The following CTCF variants were observed in gnomAD, a reference collection of about 807,000 sequenced individuals.
The protein encoded by CTCF is CCCTC-binding factor, also known as transcriptional repressor CTCF.
In CTCF, 7 loss-of-function variants were observed where a neutral mutation model predicts 72.3. That is an observed-to-expected ratio of 0.10 (90% CI 0.06 to 0.18). CTCF has a LOEUF of 0.18. CTCF is among the 10% of genes least tolerant of loss of function. The pLI, the probability that CTCF is intolerant of heterozygous loss-of-function variation, is 1.00. For synonymous variants in CTCF, 374 were observed against 315.8 expected, an observed-to-expected ratio of 1.18 and a Z score of -1.95; for missense variants, 516 against 949.1, an observed-to-expected ratio of 0.54 and a Z score of 6.00.
At chr16:67,622,487 T>C (rs1437006071) in intron 7 of CTCF, among the ~76,000 whole-genome samples, 1 of 152,070 alleles carries the variant, frequency 6.6e-6, no homozygotes, top group African/African-American at 2.4e-5. Context: ...GTACCGTAAA[T>C]ACATAAATTC....
chr16:67,569,800 C>T (rs543621191), intron 1 of CTCF, among the ~76,000 whole-genome samples: 6 of 151,724 alleles, frequency 4.0e-5, no homozygotes, highest in African/African-American at 1.2e-4. Context: ...ATTCTCCTGC[C>T]TCAGCCTCCT....
chr16:67,596,501 TA>T (rs1283598062), intron 2 of CTCF, among the ~76,000 whole-genome samples: 2 of 152,146 alleles, frequency 1.3e-5, no homozygotes, highest in East Asian at 1.9e-4. Context: ...ATGTTGCAGA[TA>T]TTTTTTTCAT....
At chr16:67,579,270 TAATAAA>T (rs1446265083) in intron 2 of CTCF, among the ~76,000 whole-genome samples, 1 of 151,608 alleles carries the variant, frequency 6.6e-6, no homozygotes, top group Non-Finnish European at 1.5e-5. Context: ...AATAAATAAA[TAATAAA>T]AATAAAAAAT....
At chr16:67,562,828 C>T (rs2051292888) in intron 1 of CTCF, 104 bp downstream of exon 1, 1 of 149,634 alleles carries the variant, frequency 6.7e-6, no homozygotes, top group Admixed American at 6.7e-5. Context: ...GCGCCGCCGC[C>T]GGGGGGTGTT....
intron 10 of CTCF, among the ~76,000 whole-genome samples, chr16:67,631,150 G>GTTTTTTTTTTTTTTTT (rs1472086135): frequency 7.5e-6 from 1 of 132,532 alleles, no homozygotes; most frequent in African/African-American, 3.2e-5. Flanking sequence ...TTTGTTCTTT[G>GTTTTTTTTTTTTTTTT]TTTGTTTTTT....
At chr16:67,579,348 TG>T (rs1290057355) in intron 2 of CTCF, among the ~76,000 whole-genome samples, 1 of 151,926 alleles carries the variant, frequency 6.6e-6, no homozygotes, top group Non-Finnish European at 1.5e-5. Flanking sequence ...TTTCAATCTT[TG>T]TTTTTTTTTG....
chr16:67,610,350 C>CTTTTTTTTTT (rs1158978403), intron 2 of CTCF, among the ~76,000 whole-genome samples: 8 of 121,400 alleles, frequency 6.6e-5, no homozygotes, highest in Non-Finnish European at 8.7e-5. Context: ...TTTTCTTTTT[C>CTTTTTTTTTT]TTTTTTTTTT....
At chr16:67,570,061 C>A (rs991358424) in intron 1 of CTCF, among the ~76,000 whole-genome samples, 2 of 151,426 alleles carry the variant, frequency 1.3e-5, no homozygotes, top group Non-Finnish European at 2.9e-5. Flanking sequence ...GCCATTACTG[C>A]AGCCATAAGA....
intron 2 of CTCF, chr16:67,572,452 G>GT (rs1308254813): frequency 2.2e-4 from 33 of 152,264 alleles, no homozygotes; most frequent in African/African-American, 7.5e-4. Flanking sequence ...TTAGATCCCT[G>GT]TTTCTCAAAC....
At chr16:67,604,964 ATTTTTTTTTTTTT>A (rs34873720) in intron 2 of CTCF, among the ~76,000 whole-genome samples, 11 of 73,776 alleles carry the variant, frequency 1.5e-4, no homozygotes, top group Non-Finnish European at 2.3e-4. Flanking sequence ...TATAAATGGG[ATTTTTTTTTTTTT>A]TTTTTTTTTT....
chr16:67,601,222 GT>G lies in CTCF; in HGVS notation c.-9-9601del, dbSNP rs2142790410. 2.6e-5 allele frequency among the ~76,000 whole-genome samples: 3 copies of G among 115,094 alleles called. No homozygotes were observed. The South Asian group carries it at 8.5e-4, about 33-fold the overall frequency. 75.5% of individuals were successfully genotyped at this position (115,094 alleles called of 152,430 possible). ...CTTGATGGAATGCACTAAGGGGTGT[GT>G]GTGTGTGTGTGTGTGTGTGTGTGTG... On this transcript the variant is annotated intron_variant, in intron 2 of 11. Coordinates refer to ENST00000264010, the MANE Select transcript of CTCF (RefSeq NM_006565.4).
chr16:67,591,721 T>TTG (rs1555532317), intron 2 of CTCF, among the ~76,000 whole-genome samples: 78 of 150,640 alleles, frequency 5.2e-4, no homozygotes, highest in African/African-American at 1.4e-3. Flanking sequence ...TTACTTTTTT[T>TTG]GGGGGGGGGC....
intron 1 of CTCF, among the ~76,000 whole-genome samples, chr16:67,564,770 A>C (rs1042672874): frequency 1.3e-5 from 2 of 152,188 alleles, no homozygotes; most frequent in Non-Finnish European, 2.9e-5. Context: ...CCGGGTTAGT[A>C]CTGTGCTCCA....
rs1268773675 is a variant in CTCF at position 67,611,357 on chromosome 16, G to A, written c.525G>A (p.Val175=). 3.1e-6 allele frequency: 5 copies of A among 1,613,962 alleles called. No homozygotes were observed. The highest frequency in any genetic ancestry group is 4.2e-6 in the Non-Finnish European group (5 of 1,180,026). ...TTAAAGTGGGGGCCAATGGAGAGGT[G>A]GAGACACTAGAACAAGGGGAACTTC... is the stretch of plus-strand genomic sequence containing the variant. ...QVVKVGANGE[V]ETLEQGELPP... The change falls in exon 3 of 12, where the codon GTG becomes GTA. Residue 175 remains valine (V), a synonymous_variant. Transcript: ENST00000264010.
At position 67,610,810 on chromosome 16, in the gene CTCF, C is replaced by G; in HGVS notation, c.-9-14C>G. Reference sequence around the variant, plus strand: ...TTTGCTTTAAATAACAATCTGTGTTCTCCCTTAATAAAGGCAGGGGAAATG... The same window carrying G: ...TTTGCTTTAAATAACAATCTGTGTTGTCCCTTAATAAAGGCAGGGGAAATG... On this transcript the variant is annotated splice_polypyrimidine_tract_variant and intron_variant, in intron 2 of 11. Transcript: ENST00000264010. The G allele has an allele frequency of 8.4e-6, 12 of 1,433,750 alleles. No homozygotes were observed. Among genetic ancestry groups the G allele is most frequent in the Non-Finnish European group, 1.1e-5 (12 of 1,086,496 alleles). 88.8% of individuals were successfully genotyped at this position (1,433,750 alleles called of 1,614,324 possible). A position where few individuals can be genotyped will look rare whatever the true frequency, so the allele number is the denominator to read the frequency against.
chr16:67,582,098 T>G (rs1253745294), intron 2 of CTCF, among the ~76,000 whole-genome samples: 1 of 151,730 alleles, frequency 6.6e-6, no homozygotes, highest in East Asian at 2.0e-4. Flanking sequence ...TGGGCACCTG[T>G]AGTCCCAGCT....
intron 5 of CTCF, among the ~76,000 whole-genome samples, chr16:67,620,020 T>C (rs2052181548): frequency 6.6e-6 from 1 of 152,170 alleles, no homozygotes; most frequent in Admixed American, 6.5e-5. Context: ...GAAACGCTAA[T>C]GATAGGAAAA....
intron 4 of CTCF, among the ~76,000 whole-genome samples, chr16:67,613,943 C>T (rs1313254970): frequency 6.6e-6 from 1 of 152,142 alleles, no homozygotes; most frequent in Admixed American, 6.5e-5. Flanking sequence ...CAACAAAACC[C>T]ATAAGAGCAG....
In CTCF at chr16:67,637,713, C is replaced by T. The variant is rs1479949064; in HGVS notation, c.2025C>T (p.Asp675=). The part of the protein sequence containing the change: ...NQPTAIIQVE[D]QNTGAIENII... ...CAACAGCTATCATTCAGGTTGAAGA[C>T]CAGAATACAGGTGCAATTGAGAACA... is the stretch of plus-strand genomic sequence containing the variant. The change falls in exon 12 of 12, where the codon GAC becomes GAT. Residue 675 remains aspartate (D), a synonymous_variant. Transcript: ENST00000264010. The T allele has an allele frequency of 6.2e-6, 10 of 1,613,266 alleles. No homozygotes were observed. The highest frequency in any genetic ancestry group is 2.2e-5 in the East Asian group (1 of 44,884).
Sources: gnomAD v4.1 joint callset for allele counts (sites outside exome capture counted in the v4.1 genomes callset) on GRCh38, gnomAD v4.1.1 for gene constraint, MANE v1.5 for transcripts, NCBI Gene and HGNC (gene_info 2026-07-23, HGNC 2026-07-21) for gene names.